The following REPS2 variants were observed in gnomAD, a reference collection of about 807,000 sequenced individuals.
REPS2 encodes ralBP1-associated Eps domain-containing protein 2.
REPS2 carries 23 observed loss-of-function variants against 53.6 expected under a neutral mutation model. That is an observed-to-expected ratio of 0.43 (90% confidence interval 0.31 to 0.61). The LOEUF (loss-of-function observed/expected upper bound fraction) is 0.61. REPS2 is among the 20% of genes least tolerant of loss of function. The probability of loss-of-function intolerance (pLI) is 0.11; values close to 1 mark genes in which losing one functional copy is unlikely to be tolerated. For synonymous variants in REPS2, 238 were observed against 218.6 expected (o/e 1.09, Z -0.78); for missense variants, 446 against 534.9 (o/e 0.83, Z 1.64).
At chrX:16,994,400 TACAC>T (rs2061202656) in intron 1 of REPS2, among the ~76,000 whole-genome samples, 2 of 110,898 alleles carry the variant, frequency 1.8e-5, no homozygotes, top group Middle Eastern at 4.7e-3. Flanking sequence ...TACATATATA[TACAC>T]ACACGTACAT....
chrX:17,147,408 C>A lies in REPS2; in HGVS notation c.1915-5C>A. On this transcript the variant is annotated splice_polypyrimidine_tract_variant and splice_region_variant and intron_variant, in intron 17 of 17. Coordinates refer to ENST00000357277, the MANE Select transcript of REPS2 (RefSeq NM_004726.3). Reference sequence around the variant, plus strand: ...TTTGTTTTTCTTGTGTTTTGTACAACTCAGGAGGTTCATCAAGAACGAATT... The same window carrying A: ...TTTGTTTTTCTTGTGTTTTGTACAAATCAGGAGGTTCATCAAGAACGAATT... The A allele has an allele frequency of 2.5e-6, 3 of 1,203,797 alleles. No individual in the cohort carries two copies. In the African/African-American group the frequency reaches 5.2e-5, roughly 21 times the overall value.
At chrX:17,018,659 CTG>C (rs1390563509) in intron 2 of REPS2, among the ~76,000 whole-genome samples, 2 of 105,217 alleles carry the variant, frequency 1.9e-5, no homozygotes, top group African/African-American at 7.0e-5. Flanking sequence ...CATTGAAAGA[CTG>C]TGAACAGCTG....
intron 6 of REPS2, among the ~76,000 whole-genome samples, chrX:17,052,152 G>C (rs1602827846): frequency 8.9e-6 from 1 of 112,168 alleles, no homozygotes; most frequent in East Asian, 2.8e-4. Context: ...CATCTTTCAT[G>C]AGCATTATGT....
chrX:17,137,720 C>T (rs2063390637), intron 16 of REPS2: 1 of 111,846 alleles, frequency 8.9e-6, no homozygotes, highest in African/African-American at 3.3e-5. Flanking sequence ...ATCCTTTCCC[C>T]CTCAGCCTCC....
intron 13 of REPS2, among the ~76,000 whole-genome samples, chrX:17,100,393 G>A (rs1052805679): frequency 2.7e-5 from 3 of 112,671 alleles, no homozygotes; most frequent in South Asian, 3.7e-4. Flanking sequence ...CGCTATTGGC[G>A]CATTGGGTCG....
chrX:16,977,556 T>A (rs2060970856), intron 1 of REPS2, among the ~76,000 whole-genome samples: 1 of 108,601 alleles, frequency 9.2e-6, no homozygotes, highest in South Asian at 4.1e-4. Flanking sequence ...TCTAAAAAAT[T>A]TTTAAAAAAT....
At chrX:17,078,906 A>G (rs1756828072) in intron 13 of REPS2, among the ~76,000 whole-genome samples, 1 of 112,240 alleles carries the variant, frequency 8.9e-6, no homozygotes, top group African/African-American at 3.2e-5. Context: ...TCAGATTCCT[A>G]ATCTGTACAG....
In REPS2 at chrX:17,135,474, G is replaced by T. The variant is rs990221586; in HGVS notation, c.1808+68G>T. On this transcript the variant is annotated intron_variant, in intron 16 of 17. Transcript: ENST00000357277. Reference sequence around the variant, plus strand: ...CTGAGATGTCGACGGATATGTAAATGTGTTGACATTTACGTGCGCACCAAC... The same window carrying T: ...CTGAGATGTCGACGGATATGTAAATTTGTTGACATTTACGTGCGCACCAAC... 10 of 1,096,801 alleles carry T rather than the reference G, an allele frequency of 9.1e-6. No individual in the cohort carries two copies. In the African/African-American group the frequency reaches 1.3e-4, roughly 14 times the overall value. 90.4% of individuals were successfully genotyped at this position (1,096,801 alleles called of 1,213,427 possible).
chrX:17,073,428 C>A (rs757268806), intron 11 of REPS2, among the ~76,000 whole-genome samples: 2 of 112,217 alleles, frequency 1.8e-5, no homozygotes, highest in Non-Finnish European at 3.8e-5. Flanking sequence ...CTCCTCACAA[C>A]TTGTGATGGG....
intron 1 of REPS2, among the ~76,000 whole-genome samples, chrX:16,962,276 TACAC>T (rs61520216): frequency 0.24 from 19,466 of 81,530 alleles, 1,921 homozygotes; most frequent in Middle Eastern, 0.28. Flanking sequence ...TATCGTGGGA[TACAC>T]ACACACACAC....
intron 1 of REPS2, among the ~76,000 whole-genome samples, chrX:16,999,452 C>T (rs1433290241): frequency 9.7e-6 from 1 of 103,176 alleles, no homozygotes; most frequent in Non-Finnish European, 2.0e-5. Flanking sequence ...CTGAGTGTTC[C>T]CTGCTACTGG....
the REPS2 span, among the ~76,000 whole-genome samples, chrX:17,179,722 G>A: frequency 9.0e-6 from 1 of 111,625 alleles, no homozygotes; most frequent in Non-Finnish European, 1.9e-5. Flanking sequence ...GGACCCAAGA[G>A]TCCCACATTT....
chrX:17,190,710 T>C, the REPS2 span, among the ~76,000 whole-genome samples: 3 of 112,191 alleles, frequency 2.7e-5, no homozygotes, highest in African/African-American at 9.7e-5. Context: ...ACTATTTAAT[T>C]TCAATACTTA....
rs977114062 is a variant in REPS2, at chrX:17,097,207, G to A, written c.1517-6511G>A. On this transcript the variant is annotated intron_variant, in intron 13 of 17. Transcript: ENST00000357277. The stretch of plus-strand genomic sequence containing the variant: ...AACCAGAAGGCAGTGGAATGTTACC[G>A]TCAATGTGCTGGGAGAAAATAGCTG... 1.5e-4 allele frequency among the ~76,000 whole-genome samples: 17 copies of A among 111,797 alleles called. 1 individual carries two copies. The highest frequency in any genetic ancestry group is 4.6e-4 in the African/African-American group (14 of 30,721).
intron 1 of REPS2, among the ~76,000 whole-genome samples, chrX:16,994,595 A>G (rs1239375046): frequency 9.0e-6 from 1 of 111,545 alleles, no homozygotes; most frequent in Non-Finnish European, 1.9e-5. Flanking sequence ...TTTCTCACTT[A>G]TAAGTGGGAG....
chrX:17,102,082 T>C (rs1389541395), intron 13 of REPS2, among the ~76,000 whole-genome samples: 5 of 30,183 alleles, frequency 1.7e-4, no homozygotes, highest in African/African-American at 3.9e-4. Context: ...TGTTATGTTA[T>C]TTTATTTTAT....
intron 5 of REPS2, among the ~76,000 whole-genome samples, chrX:17,038,279 G>C (rs1409431074): frequency 8.9e-6 from 1 of 112,367 alleles, no homozygotes; most frequent in Non-Finnish European, 1.9e-5. Flanking sequence ...GTGAGAGAAG[G>C]CTCCTTTAAC....
chrX:17,153,373 A>G (rs2063586864), downstream of REPS2: 1 of 112,216 alleles, frequency 8.9e-6, no homozygotes, highest in Admixed American at 9.5e-5. Flanking sequence ...AGTCTTTCCA[A>G]TTAAGTCAAA....
intron 8 of REPS2, among the ~76,000 whole-genome samples, chrX:17,061,466 A>G (rs989585799): frequency 1.8e-5 from 2 of 112,296 alleles, no homozygotes; most frequent in African/African-American, 6.5e-5. Context: ...CTGCAGAAGG[A>G]TATTGGCATT....
Sources: gnomAD v4.1 joint callset for allele counts (sites outside exome capture counted in the v4.1 genomes callset) on GRCh38, gnomAD v4.1.1 for gene constraint, MANE v1.5 for transcripts, NCBI Gene and HGNC (gene_info 2026-07-23, HGNC 2026-07-21) for gene names.